Variants in SKOR2 observed in about 807,000 individuals in gnomAD.
SKOR2 encodes the protein LBX1 corepressor 1-like protein.
SKOR2 carries 47 observed loss-of-function variants against 69.1 expected under a neutral mutation model. The observed-to-expected ratio is 0.68, with a 90% CI of 0.54 to 0.87. The LOEUF (loss-of-function observed/expected upper bound fraction) is 0.87. Ranked by LOEUF, SKOR2 falls within the 40% of genes least tolerant of loss-of-function variation. SKOR2 has a pLI of 0.00. For synonymous variants in SKOR2, 717 were observed against 672.6 expected (o/e 1.07, Z -1.02); for missense variants, 1,404 against 1,472.2 (o/e 0.95, Z 0.76).
At chr18:47,218,393 C>T (rs1049496039) in intron 7 of SKOR2, among the ~76,000 whole-genome samples, 5 of 151,632 alleles carry the variant, frequency 3.3e-5, no homozygotes, top group Admixed American at 6.6e-5. Context: ...AGTTTAAGAC[C>T]ACCCTGGGCA....
chr18:47,241,377 A>C (rs1222778419), intron 4 of SKOR2, among the ~76,000 whole-genome samples: 2 of 152,208 alleles, frequency 1.3e-5, no homozygotes, highest in Non-Finnish European at 2.9e-5. Context: ...TGAATTTCTG[A>C]CACTTTGCCA....
chr18:47,232,837 A>C (rs2064205103), intron 4 of SKOR2, among the ~76,000 whole-genome samples: 1 of 152,228 alleles, frequency 6.6e-6, no homozygotes. Flanking sequence ...CTCAGCAAAA[A>C]CCAAAATGTA....
At chr18:47,241,798 A>G (rs1197673197) in intron 4 of SKOR2, among the ~76,000 whole-genome samples, 4 of 152,204 alleles carry the variant, frequency 2.6e-5, no homozygotes, top group African/African-American at 9.6e-5. Flanking sequence ...ATAAGATTGT[A>G]TAACCTCCTA....
Position 47,247,799 on chromosome 18 carries a change from G to A in SKOR2, c.1385C>T (p.Ala462Val). The A allele has an allele frequency of 7.2e-7, 1 of 1,398,300 alleles. No homozygotes were observed. The highest frequency in any genetic ancestry group is 1.6e-5 in the South Asian group (1 of 64,340). 86.6% of individuals were successfully genotyped at this position (1,398,300 alleles called of 1,614,324 possible). ...GLFWPAGRKD[A>V]FYPPFCMFWP... is the part of the protein sequence containing the mutation. The stretch of plus-strand genomic sequence containing the variant: ...GAACATGCAGAAGGGCGGATAGAAG[G>A]CGTCCTTGCGGCCCGCGGGCCAGAA... Residue 462 changes from alanine (A) to valine (V), a missense_variant, in exon 2 of 9, where the codon GCC (alanine) becomes GTC (valine). Transcript: ENST00000425639. This position sits in a 1 kb window ranked among gnomAD's most constrained non-coding sequence, Gnocchi z 6.6.
At chr18:47,218,041 A>G (rs2064149542) in intron 7 of SKOR2, among the ~76,000 whole-genome samples, 1 of 152,184 alleles carries the variant, frequency 6.6e-6, no homozygotes, top group Non-Finnish European at 1.5e-5. Flanking sequence ...AAATATCTCA[A>G]AAGACATGAG....
intron 6 of SKOR2, among the ~76,000 whole-genome samples, chr18:47,222,504 G>GGTA (rs1048340604): frequency 1.1e-4 from 16 of 152,150 alleles, no homozygotes; most frequent in Non-Finnish European, 4.4e-5. Flanking sequence ...CTCTAGAGGT[G>GGTA]GGTCTAAGGG....
At chr18:47,245,029 A>G in intron 3 of SKOR2, 47 bp from the exon 4 acceptor site, 1 of 1,499,808 alleles carries the variant, frequency 6.7e-7, no homozygotes, top group South Asian at 1.3e-5. Context: ...CCAACTGACA[A>G]GAGGCACACA....
intron 8 of SKOR2, among the ~76,000 whole-genome samples, chr18:47,208,821 G>A (rs2064120007): frequency 1.3e-5 from 2 of 152,106 alleles, no homozygotes; most frequent in South Asian, 2.1e-4. Flanking sequence ...AGACAAATAC[G>A]AAGAGCGGTA....
At chr18:47,230,686 G>T in intron 5 of SKOR2, 129 bp from the exon 6 acceptor site, 1 of 670,854 alleles carries the variant, frequency 1.5e-6, no homozygotes, top group South Asian at 2.9e-5. Flanking sequence ...ATAGACATAG[G>T]ATAGATTTTG....
intron 6 of SKOR2, among the ~76,000 whole-genome samples, chr18:47,224,625 T>TC (rs2064172546): frequency 6.6e-6 from 1 of 151,776 alleles, no homozygotes; most frequent in South Asian, 2.1e-4. Context: ...TTGAACTTTT[T>TC]TTTTTTTGAG....
intron 4 of SKOR2, among the ~76,000 whole-genome samples, chr18:47,238,614 C>A (rs2668774): frequency 6.6e-6 from 1 of 152,150 alleles, no homozygotes; most frequent in South Asian, 2.1e-4. Context: ...TGAGCCACTG[C>A]GCTTGGCCAA....
Position 47,247,129 on chromosome 18 carries a change from C to A in SKOR2, c.2055G>T (p.Glu685Asp). The A allele has an allele frequency of 8.1e-7, 1 of 1,236,434 alleles. No individual in the cohort carries two copies. The highest frequency in any genetic ancestry group is 1.0e-6 in the Non-Finnish European group (1 of 993,590). The allele number at this position is 1,236,434 out of a possible 1,614,324, so 76.6% of individuals were successfully genotyped here. ...PLLLLPPQPDEPGSERHHPAP... is the reference protein window; with the variant it reads ...PLLLLPPQPDDPGSERHHPAP... ...CCGGGTGGTGGCGCTCGGAACCCGGCTCGTCGGGCTGCGGGGGCAGCAGCA... is the reference window on the plus strand; with the variant it reads ...CCGGGTGGTGGCGCTCGGAACCCGGATCGTCGGGCTGCGGGGGCAGCAGCA... The change falls in exon 2 of 9, where the codon GAG (glutamate) becomes GAT (aspartate). Residue 685 changes from glutamate to aspartate, a missense_variant. Physicochemically the swap from Glu to Asp is conservative, Grantham distance 45. This residue lies in a region of SKOR2 where 1,266 missense variants were observed against 1,309.9 expected (regional missense o/e 0.97). Transcript: ENST00000425639. This position sits in a 1 kb window ranked among gnomAD's most constrained non-coding sequence, Gnocchi z 6.6.
chr18:47,232,151 A>C (rs1231511506), intron 4 of SKOR2, among the ~76,000 whole-genome samples: 1 of 151,986 alleles, frequency 6.6e-6, no homozygotes, highest in Admixed American at 6.6e-5. Flanking sequence ...AAATAAATAA[A>C]ATAAAAAGTA....
chr18:47,220,365 A>G (rs2064157541), intron 6 of SKOR2, among the ~76,000 whole-genome samples: 1 of 152,172 alleles, frequency 6.6e-6, no homozygotes, highest in African/African-American at 2.4e-5. Flanking sequence ...GTCCAGCAAG[A>G]GTCAGTAGGG....
At chr18:47,229,350 T>C (rs780962672) in intron 6 of SKOR2, among the ~76,000 whole-genome samples, 3 of 152,102 alleles carry the variant, frequency 2.0e-5, no homozygotes, top group Non-Finnish European at 4.4e-5. Context: ...TAAATATATA[T>C]AATTAGAAAA....
In SKOR2 at chr18:47,246,620, C is replaced by T; in HGVS notation, c.2564G>A (p.Gly855Asp). 3 of 1,523,184 alleles carry T rather than the reference C, an allele frequency of 2.0e-6. No individual in the cohort carries two copies. Among genetic ancestry groups the T allele is most frequent in the Non-Finnish European group, 2.6e-6 (3 of 1,141,750 alleles). 94.4% of individuals were successfully genotyped at this position (1,523,184 alleles called of 1,614,324 possible). The change falls in exon 2 of 9, where the codon GGC becomes GAC. Residue 855 changes from glycine to aspartate, a missense_variant. This residue lies in a region of SKOR2 where 1,266 missense variants were observed against 1,309.9 expected (regional missense o/e 0.97). Transcript: ENST00000425639. ...KASGGGSSSP[G>D]SPVHHPSLEE... ...CAGTGATGGATGGTGAACTGGGCTG[C>T]CCGGGCTGCTGCTGCCGCCGCCACT...
At chr18:47,229,926 T>C (rs2064191546) in intron 6 of SKOR2, among the ~76,000 whole-genome samples, 1 of 152,182 alleles carries the variant, frequency 6.6e-6, no homozygotes, top group South Asian at 2.1e-4. Context: ...ACATTAAATA[T>C]GGATGGGAAA....
intron 6 of SKOR2, among the ~76,000 whole-genome samples, 196 bp from the exon 7 acceptor site, chr18:47,220,206 AGT>A (rs1345722473): frequency 2.0e-5 from 3 of 152,066 alleles, no homozygotes; most frequent in African/African-American, 7.2e-5. Context: ...GTAAATTCTG[AGT>A]GTGTCTTATA....
intron 4 of SKOR2, among the ~76,000 whole-genome samples, chr18:47,233,997 T>G (rs1291801668): frequency 4.6e-5 from 7 of 152,210 alleles, no homozygotes; most frequent in African/African-American, 1.4e-4. Flanking sequence ...GATATTTTGC[T>G]GCATCTTCTG....
Sources: allele counts gnomAD v4.1 joint callset (sites outside exome capture counted in the v4.1 genomes callset), GRCh38; gene constraint gnomAD v4.1.1; regional missense constraint gnomAD v4.1.1; non-coding constraint Gnocchi (gnomAD v3.1); transcripts MANE v1.5; gene names NCBI Gene and HGNC (gene_info 2026-07-23, HGNC 2026-07-21).